Variants in NMBR observed in about 807,000 individuals in gnomAD.
NMBR encodes the protein neuromedin-B receptor.
NMBR carries 16 observed loss-of-function variants against 20.5 expected under a neutral mutation model. That is an observed-to-expected ratio of 0.78 (90% CI 0.53 to 1.19). NMBR has a LOEUF of 1.19. Among genes scored for constraint, NMBR ranks in the 50% most tolerant of loss-of-function variants. NMBR has a pLI of 0.00. For missense variants in NMBR, 582 were observed against 499.1 expected, an observed-to-expected ratio of 1.17 and a Z score of -1.58; for synonymous variants, 212 against 196.6, an observed-to-expected ratio of 1.08 and a Z score of -0.65.
chr6:142,134,920 T>C, intron 1 of NMBR: 1 of 555,680 alleles, frequency 1.8e-6, no homozygotes, highest in East Asian at 3.0e-5. Context: ...ATTCAGACAA[T>C]GACCAAATAA....
At chr6:142,136,325 C>T (rs1040971707) in intron 1 of NMBR, among the ~76,000 whole-genome samples, 1 of 152,012 alleles carries the variant, frequency 6.6e-6, no homozygotes, top group African/African-American at 2.4e-5. Flanking sequence ...TATCCTTTGC[C>T]CACTTTTTGA....
chr6:142,111,657 T>C (rs1777765527), intron 1 of NMBR, among the ~76,000 whole-genome samples: 1 of 152,170 alleles, frequency 6.6e-6, no homozygotes, highest in Non-Finnish European at 1.5e-5. Flanking sequence ...AGAACTGAGA[T>C]GAGATTGGTT....
At chr6:142,091,330 C>A (rs958416844) in intron 1 of NMBR, among the ~76,000 whole-genome samples, 3 of 152,132 alleles carry the variant, frequency 2.0e-5, no homozygotes, top group African/African-American at 7.2e-5. Flanking sequence ...TCAAACAATT[C>A]TCCTGCCTCA....
At chr6:142,104,091 C>T (rs565040273) in intron 1 of NMBR, among the ~76,000 whole-genome samples, 3 of 152,154 alleles carry the variant, frequency 2.0e-5, no homozygotes, top group Non-Finnish European at 4.4e-5. Flanking sequence ...GTCGGCCATA[C>T]TGGTTTGAAC....
intron 2 of NMBR, among the ~76,000 whole-genome samples, chr6:142,083,233 A>C (rs1777133451): frequency 6.6e-6 from 1 of 152,154 alleles, no homozygotes; most frequent in Admixed American, 6.5e-5. Flanking sequence ...AAAACTAATA[A>C]ATTATGTGCA....
intron 1 of NMBR, among the ~76,000 whole-genome samples, chr6:142,132,562 A>C (rs948082017): frequency 6.6e-6 from 1 of 152,202 alleles, no homozygotes; most frequent in African/African-American, 2.4e-5. Context: ...ATACATCAAT[A>C]ATATTCAATA....
At chr6:142,088,154 A>G (rs888244284) in intron 2 of NMBR, 83 bp downstream of exon 2, 6 of 1,385,700 alleles carry the variant, frequency 4.3e-6, no homozygotes, top group South Asian at 1.3e-5. Context: ...TCCTTCTGCC[A>G]GTAGGTGCAC....
chr6:142,130,924 G>A (rs1778130024), intron 1 of NMBR, among the ~76,000 whole-genome samples: 2 of 152,206 alleles, frequency 1.3e-5, no homozygotes, highest in Non-Finnish European at 2.9e-5. Context: ...ATCATGGAAT[G>A]TTCCCTGCCT....
At chr6:142,077,030 T>A (rs1488014762) in intron 3 of NMBR, among the ~76,000 whole-genome samples, 1 of 152,182 alleles carries the variant, frequency 6.6e-6, no homozygotes, top group East Asian at 1.9e-4. Flanking sequence ...AAGCAGAATG[T>A]GATGTTCCAC....
chr6:142,079,112 A>AGAGAG (rs758043461), intron 2 of NMBR, among the ~76,000 whole-genome samples: 1,395 of 46,540 alleles, frequency 0.03, 18 homozygotes, highest in African/African-American at 0.054. Context: ...GAGAGAAAGA[A>AGAGAG]AGAAAGAAAG....
chr6:142,094,768 T>C (rs988703899), intron 1 of NMBR, among the ~76,000 whole-genome samples: 2 of 152,202 alleles, frequency 1.3e-5, no homozygotes, highest in Non-Finnish European at 2.9e-5. Flanking sequence ...ACGATATTGA[T>C]TCTTCCTACC....
chr6:142,133,627 A>AT (rs1778187489), intron 1 of NMBR, among the ~76,000 whole-genome samples: 2 of 152,148 alleles, frequency 1.3e-5, no homozygotes, highest in Admixed American at 1.3e-4. Context: ...AAAATTACAC[A>AT]TTTGATTAGC....
intron 1 of NMBR, among the ~76,000 whole-genome samples, chr6:142,140,214 TAAAA>T (rs1350135821): frequency 1.4e-4 from 22 of 151,798 alleles, no homozygotes; most frequent in Admixed American, 1.4e-3. Flanking sequence ...ACAAACAAAA[TAAAA>T]TAAATAAATC....
chr6:142,103,140 G>A (rs1490338335), intron 1 of NMBR, among the ~76,000 whole-genome samples: 1 of 152,142 alleles, frequency 6.6e-6, no homozygotes, highest in Non-Finnish European at 1.5e-5. Context: ...TGGCACAATG[G>A]CAGCCTTTCT....
At chr6:142,126,261 C>CTGTG (rs34172798) in intron 1 of NMBR, among the ~76,000 whole-genome samples, 99 of 149,282 alleles carry the variant, frequency 6.6e-4, no homozygotes, top group East Asian at 1.4e-3. Context: ...CTCTCTCTCT[C>CTGTG]TGTGTGTGTG....
intron 1 of NMBR, among the ~76,000 whole-genome samples, chr6:142,110,258 CA>C (rs1449839015): frequency 6.6e-6 from 1 of 152,098 alleles, no homozygotes; most frequent in Non-Finnish European, 1.5e-5. Flanking sequence ...TATGTCTACA[CA>C]AAACCTATAT....
intron 1 of NMBR, among the ~76,000 whole-genome samples, chr6:142,139,550 A>G (rs1272703994): frequency 6.6e-6 from 1 of 152,216 alleles, no homozygotes; most frequent in Admixed American, 6.5e-5. Flanking sequence ...ATTAAAGCCA[A>G]CTTCCTCGGC....
At chr6:142,111,109 A>G (rs2114589781) in intron 1 of NMBR, among the ~76,000 whole-genome samples, 1 of 152,134 alleles carries the variant, frequency 6.6e-6, no homozygotes. Context: ...GAGTGGTGGC[A>G]TGCGCGTGTA....
At chr6:142,108,715 G>A (rs1014547090) in intron 1 of NMBR, among the ~76,000 whole-genome samples, 1 of 152,028 alleles carries the variant, frequency 6.6e-6, no homozygotes, top group African/African-American at 2.4e-5. Context: ...GATCTGGATG[G>A]GGACAGAGCC....
Sources: allele counts gnomAD v4.1 joint callset (sites outside exome capture counted in the v4.1 genomes callset), GRCh38; gene constraint gnomAD v4.1.1; transcripts MANE v1.5; gene names NCBI Gene and HGNC (gene_info 2026-07-23, HGNC 2026-07-21).